Variants in STON1 observed in about 807,000 individuals in gnomAD.
STON1 encodes the protein stonin 1.
In STON1, 79 loss-of-function variants were observed where a neutral mutation model predicts 60.9. That is an observed-to-expected ratio of 1.30 (90% CI 1.08 to 1.56). The LOEUF is 1.56. STON1 is among the 40% of genes most tolerant of loss of function. STON1 has a pLI of 0.00. For missense variants in STON1, 1,166 were observed against 858.9 expected, an observed-to-expected ratio of 1.36 and a Z score of -4.47; for synonymous variants, 363 against 306.9, an observed-to-expected ratio of 1.18 and a Z score of -1.91.
At chr2:48,580,127 C>G (rs62135237) in intron 1 of STON1, among the ~76,000 whole-genome samples, 1 of 152,084 alleles carries the variant, frequency 6.6e-6, no homozygotes, top group South Asian at 2.1e-4. Flanking sequence ...AGACTGCTCT[C>G]GAACTGCTGA....
chr2:48,555,169 CCCCGCCTTT>C (rs1672270777), intron 1 of STON1, among the ~76,000 whole-genome samples: 1 of 96,128 alleles, frequency 1.0e-5, no homozygotes, highest in African/African-American at 3.9e-5. Context: ...TCAATCTTTT[CCCCGCCTTT>C]CCCGCCTTTC....
chr2:48,575,758 TG>T lies in STON1; in HGVS notation c.-47-4828del, dbSNP rs376076652. Among the ~76,000 whole-genome samples the T allele has an allele frequency of 1.2e-3, 161 of 133,104 alleles. 4 individuals carry two copies. Among genetic ancestry groups the T allele is most frequent in the East Asian group, 2.0e-3 (10 of 5,024 alleles). 87.3% of individuals were successfully genotyped at this position (133,104 alleles called of 152,430 possible). ...GGTAGTTCTATTTTTAGTTTTTGTT[TG>T]TTTTTTTTTTTTTTTTGAGATGCAG... is the stretch of plus-strand genomic sequence containing the variant. On this transcript the variant is annotated intron_variant, in intron 1 of 3. Transcript: ENST00000404752.
intron 1 of STON1, among the ~76,000 whole-genome samples, chr2:48,558,187 C>G (rs1342137820): frequency 6.6e-6 from 1 of 152,214 alleles, no homozygotes; most frequent in Non-Finnish European, 1.5e-5. Flanking sequence ...CGCACCATTG[C>G]ACTTCTAGCC....
intron 1 of STON1, among the ~76,000 whole-genome samples, chr2:48,574,367 C>T (rs1027136674): frequency 1.9e-4 from 28 of 149,500 alleles, no homozygotes; most frequent in Admixed American, 4.0e-4. Context: ...CAGAGTGCAA[C>T]TCCATCTCGA....
chr2:48,549,321 G>A (rs928910979), intron 1 of STON1, among the ~76,000 whole-genome samples: 1 of 152,164 alleles, frequency 6.6e-6, no homozygotes, highest in Non-Finnish European at 1.5e-5. Flanking sequence ...GAACCCGCAG[G>A]AGCCTCCTTT....
At chr2:48,544,520 G>A (rs1301566595) in intron 1 of STON1, among the ~76,000 whole-genome samples, 1 of 152,010 alleles carries the variant, frequency 6.6e-6, no homozygotes, top group African/African-American at 2.4e-5. Flanking sequence ...AAGGCCATAA[G>A]TTTTTTTGGT....
intron 1 of STON1, among the ~76,000 whole-genome samples, chr2:48,564,461 C>T (rs1468246636): frequency 1.8e-5 from 1 of 54,466 alleles, no homozygotes; most frequent in African/African-American, 7.0e-5. Flanking sequence ...TCTTCTTCTT[C>T]TTCTTCTTCT....
chr2:48,595,208 G>A lies in STON1; in HGVS notation c.2134-20G>A, dbSNP rs751770058. 21 of 1,601,964 alleles carry A rather than the reference G, an allele frequency of 1.3e-5. No individual in the cohort carries two copies. The African/African-American group carries it at 1.3e-4, about 10-fold the overall frequency. On this transcript the variant is annotated intron_variant, in intron 3 of 3. Transcript: ENST00000404752. ...TGTTGCATTTGTTAATGCTGCCTGTGTTTTGCTTTTGCATAACAGGTTGAA... is the reference window on the plus strand; with the variant it reads ...TGTTGCATTTGTTAATGCTGCCTGTATTTTGCTTTTGCATAACAGGTTGAA...
intron 1 of STON1, chr2:48,569,160 G>A (rs1673077674): frequency 6.6e-6 from 1 of 152,172 alleles, no homozygotes. Flanking sequence ...ATGAGTTTGT[G>A]AGTATTAAAT....
rs761779769 is a variant in STON1 at position 48,597,225 on chromosome 2, GA to G, written c.*1924del. Reference sequence around the variant, plus strand: ...ATGCTTGAGGCTCACTGTTGATGTAGAGTAGGGCAAATCTGTGTGTGTATGT... The same window carrying G: ...ATGCTTGAGGCTCACTGTTGATGTAGGTAGGGCAAATCTGTGTGTGTATGT... On this transcript the variant is annotated 3_prime_UTR_variant, in exon 4 of 4. Coordinates refer to ENST00000404752, the MANE Select transcript of STON1 (RefSeq NM_006873.4). 1 of 152,136 alleles carries G rather than the reference GA, an allele frequency of 6.6e-6. No individual in the cohort carries two copies. The highest frequency in any genetic ancestry group is 6.6e-5 in the Admixed American group (1 of 15,262). 9.4% of individuals were successfully genotyped at this position (152,136 alleles called of 1,614,324 possible).
At chr2:48,553,998 A>T (rs959691570) in intron 1 of STON1, among the ~76,000 whole-genome samples, 2 of 152,176 alleles carry the variant, frequency 1.3e-5, no homozygotes, top group Admixed American at 1.3e-4. Flanking sequence ...TGTGAGCAGG[A>T]ATACAAAGTC....
rs1674774346 is a variant in STON1, at chr2:48,596,155, T to A, written c.*853T>A. ...TCTAAGGACATATTTTGATAAAGTA[T>A]TATTTGTAATGAACACAAGCCTCTC... On this transcript the variant is annotated 3_prime_UTR_variant, in exon 4 of 4. Coordinates refer to ENST00000404752, the MANE Select transcript of STON1 (RefSeq NM_006873.4). 6.6e-6 allele frequency: 1 copy of A among 152,230 alleles called. No homozygotes were observed. The highest frequency in any genetic ancestry group is 2.4e-5 in the African/African-American group (1 of 41,468). The allele number at this position is 152,230 out of a possible 1,614,324, so 9.4% of individuals were successfully genotyped here. A position where few individuals can be genotyped will look rare whatever the true frequency, so the allele number is the denominator to read the frequency against.
In STON1 at chr2:48,581,310, T is replaced by G; in HGVS notation, c.677T>G (p.Leu226Arg). Residue 226 changes from leucine (L) to arginine (R), a missense_variant, in exon 2 of 4, where the codon CTC becomes CGC. By Grantham distance (102) the Leu-to-Arg change is moderately radical. Coordinates refer to ENST00000404752, the MANE Select transcript of STON1 (RefSeq NM_006873.4). The stretch of plus-strand genomic sequence containing the variant: ...CAAAAAAGCCTAAATAAGTGTTCAC[T>G]CAACTATATCTGTGAGAAGCTTGAA... ...IDQKSLNKCS[L>R]NYICEKLEHL... The G allele has an allele frequency of 6.6e-7, 1 of 1,526,488 alleles. No individual in the cohort carries two copies. The highest frequency in any genetic ancestry group is 2.2e-5 in the Admixed American group (1 of 45,054). 94.6% of individuals were successfully genotyped at this position (1,526,488 alleles called of 1,614,324 possible). A position where few individuals can be genotyped will look rare whatever the true frequency, so the allele number is the denominator to read the frequency against.
intron 1 of STON1, among the ~76,000 whole-genome samples, chr2:48,577,978 T>C (rs1489659741): frequency 1.3e-5 from 2 of 151,646 alleles, no homozygotes; most frequent in South Asian, 4.2e-4. Flanking sequence ...TATGTTTAAA[T>C]CTTTTATCTA....
intron 1 of STON1, among the ~76,000 whole-genome samples, chr2:48,560,420 C>T (rs979331941): frequency 7.2e-5 from 11 of 152,198 alleles, no homozygotes; most frequent in African/African-American, 2.7e-4. Context: ...GGATAATGCC[C>T]TTTCTCATTT....
At chr2:48,559,442 C>T (rs968050127) in intron 1 of STON1, among the ~76,000 whole-genome samples, 12 of 152,230 alleles carry the variant, frequency 7.9e-5, no homozygotes, top group African/African-American at 2.6e-4. Flanking sequence ...TCTCTGGGGC[C>T]TCTTTGATAA....
intron 1 of STON1, among the ~76,000 whole-genome samples, chr2:48,574,861 G>A (rs1488116330): frequency 6.6e-6 from 1 of 151,924 alleles, no homozygotes; most frequent in Non-Finnish European, 1.5e-5. Flanking sequence ...ATTCAATTGT[G>A]GTAAATGAAA....
intron 1 of STON1, among the ~76,000 whole-genome samples, chr2:48,540,047 C>T (rs1040053258): frequency 2.0e-5 from 3 of 152,150 alleles, no homozygotes; most frequent in South Asian, 2.1e-4. Flanking sequence ...GTATTTAGGC[C>T]TCTTGCTGCG....
At position 48,582,165 on chromosome 2, in the gene STON1, G is replaced by T. The variant is rs150265234; in HGVS notation, c.1532G>T (p.Arg511Leu). 47 of 1,614,198 alleles carry T rather than the reference G, an allele frequency of 2.9e-5. No homozygotes were observed. The Middle Eastern group carries it at 8.2e-4, about 28-fold the overall frequency. ...IIKFVPLDAC[R>L]FELMRFKTLY... is the part of the protein sequence containing the mutation. Reference sequence around the variant, plus strand: ...AAGTTTGTACCTCTGGATGCCTGCCGGTTTGAGCTGATGCGTTTCAAGACT... The same window carrying T: ...AAGTTTGTACCTCTGGATGCCTGCCTGTTTGAGCTGATGCGTTTCAAGACT... The change falls in exon 2 of 4, where the codon CGG becomes CTG. Residue 511 changes from arginine (R) to leucine (L), a missense_variant. Physicochemically the swap from Arg to Leu is moderately radical, Grantham distance 102. Coordinates refer to ENST00000404752, the MANE Select transcript of STON1 (RefSeq NM_006873.4).
Sources: allele counts gnomAD v4.1 joint callset (sites outside exome capture counted in the v4.1 genomes callset), GRCh38; gene constraint gnomAD v4.1.1; transcripts MANE v1.5; gene names NCBI Gene and HGNC (gene_info 2026-07-23, HGNC 2026-07-21).